The following CORO2B variants were observed in gnomAD, a reference collection of about 807,000 sequenced individuals.
CORO2B encodes coronin 2B, also known as coronin-2B.
CORO2B carries 26 observed loss-of-function variants against 58.8 expected under a neutral mutation model. That is an observed-to-expected ratio of 0.44 (90% confidence interval 0.32 to 0.61). The LOEUF (loss-of-function observed/expected upper bound fraction) is 0.61, where lower values mean the gene tolerates loss of function less well. Among genes scored for constraint, CORO2B ranks in the 20% least tolerant of loss-of-function variants. The pLI is 0.04. For missense variants in CORO2B, 460 were observed against 645.1 expected (o/e 0.71, Z 3.11); for synonymous variants, 242 against 253.8 (o/e 0.95, Z 0.44).
chr15:68,666,086 G>A (rs1280725139), intron 2 of CORO2B, among the ~76,000 whole-genome samples: 1 of 152,104 alleles, frequency 6.6e-6, no homozygotes, highest in Non-Finnish European at 1.5e-5. Context: ...CAAACATACT[G>A]CAAAGTTTAA....
intron 2 of CORO2B, among the ~76,000 whole-genome samples, chr15:68,684,745 CTAAT>C (rs1260100535): frequency 6.6e-6 from 1 of 152,206 alleles, no homozygotes; most frequent in Non-Finnish European, 1.5e-5. Flanking sequence ...CTGGGTAACA[CTAAT>C]TAAGATAATG....
chr15:68,717,477 T>C (rs1235993452), intron 8 of CORO2B, among the ~76,000 whole-genome samples: 1 of 152,070 alleles, frequency 6.6e-6, no homozygotes, highest in Non-Finnish European at 1.5e-5. Context: ...TCCAGATGTT[T>C]AGAAAGTAAT....
At chr15:68,677,783 G>C (rs1902637073) in intron 2 of CORO2B, among the ~76,000 whole-genome samples, 2 of 152,138 alleles carry the variant, frequency 1.3e-5, no homozygotes, top group Non-Finnish European at 2.9e-5. Context: ...TGTGTCTCCT[G>C]CCTCCCCTCT....
chr15:68,706,736 G>T (rs1892794725), intron 3 of CORO2B, among the ~76,000 whole-genome samples: 2 of 151,978 alleles, frequency 1.3e-5, no homozygotes, highest in East Asian at 1.9e-4. Context: ...TAGAGACAGG[G>T]TCTCACTCTG....
intron 1 of CORO2B, among the ~76,000 whole-genome samples, chr15:68,580,634 G>T (rs1457706061): frequency 2.0e-5 from 3 of 152,170 alleles, no homozygotes; most frequent in Non-Finnish European, 4.4e-5. Flanking sequence ...TGGCAGGGCT[G>T]TTGTGGCCCA....
the CORO2B span, among the ~76,000 whole-genome samples, chr15:68,541,570 G>A: frequency 6.6e-6 from 1 of 152,154 alleles, no homozygotes; most frequent in African/African-American, 2.4e-5. Context: ...CAGTGCCAGT[G>A]GTGAGTTAGT....
chr15:68,608,896 G>A (rs575615338), intron 1 of CORO2B, among the ~76,000 whole-genome samples: 13 of 152,174 alleles, frequency 8.5e-5, no homozygotes, highest in African/African-American at 3.1e-4. Flanking sequence ...CCATCCATCC[G>A]TTCAACAAGT....
At chr15:68,704,872 C>T (rs1389026839) in intron 3 of CORO2B, among the ~76,000 whole-genome samples, 6 of 152,136 alleles carry the variant, frequency 3.9e-5, no homozygotes, top group South Asian at 2.1e-4. Context: ...TCCAGAAATC[C>T]GGTTTGGCAA....
At chr15:68,561,151 A>G in the CORO2B span, among the ~76,000 whole-genome samples, 1 of 152,004 alleles carries the variant, frequency 6.6e-6, no homozygotes. Flanking sequence ...AGGGAGCTTG[A>G]AGAGGGTTTT....
chr15:68,708,862 G>A (rs975757354), intron 3 of CORO2B, among the ~76,000 whole-genome samples: 9 of 152,022 alleles, frequency 5.9e-5, no homozygotes, highest in African/African-American at 1.9e-4. Flanking sequence ...TCAATTTTTT[G>A]TAGAGGCGGA....
intron 1 of CORO2B, among the ~76,000 whole-genome samples, chr15:68,601,870 G>A (rs534306444): frequency 5.1e-4 from 77 of 152,284 alleles, no homozygotes; most frequent in Non-Finnish European, 8.7e-4. Context: ...TCTCATAGCC[G>A]TGGAGCCTGG....
rs138503920 is a variant in CORO2B at position 68,676,762 on chromosome 15, T to C, written c.217-18378T>C. Reference sequence around the variant, plus strand: ...AGAGGTGGCCCAAGATCTGTGTTTTTTGTTTCTTCTGGATTATTTTTTTTT... The same window carrying C: ...AGAGGTGGCCCAAGATCTGTGTTTTCTGTTTCTTCTGGATTATTTTTTTTT... On this transcript the variant is annotated intron_variant, in intron 2 of 11. Coordinates refer to ENST00000261861, the MANE Select transcript of CORO2B (RefSeq NM_006091.5). Among the ~76,000 whole-genome samples the C allele has an allele frequency of 1.7e-3, 253 of 152,166 alleles. 2 individuals carry two copies. Among genetic ancestry groups the C allele is most frequent in the African/African-American group, 5.8e-3 (240 of 41,532 alleles).
Position 68,579,158 on chromosome 15 carries a change from G to A in CORO2B, c.-105G>A, listed in dbSNP as rs918509657. 15 of 980,936 alleles carry A rather than the reference G, an allele frequency of 1.5e-5. No homozygotes were observed. The African/African-American group carries it at 2.6e-4, about 17-fold the overall frequency. The allele number at this position is 980,936 out of a possible 1,614,324, so 60.8% of individuals were successfully genotyped here. A position where few individuals can be genotyped will look rare whatever the true frequency, so the allele number is the denominator to read the frequency against. ...CGGCCGAGCCGCCGGCGGGGCGCGGGGAGCGAGCCGGGAGCTGCCGGACCC... is the reference window on the plus strand; with the variant it reads ...CGGCCGAGCCGCCGGCGGGGCGCGGAGAGCGAGCCGGGAGCTGCCGGACCC... On this transcript the variant is annotated 5_prime_UTR_variant, in exon 1 of 12. Coordinates refer to ENST00000261861, the MANE Select transcript of CORO2B (RefSeq NM_006091.5).
Position 68,579,270 on chromosome 15 carries a change from T to C in CORO2B, c.8T>C (p.Val3Ala). 1.6e-6 allele frequency: 2 copies of C among 1,277,322 alleles called. No homozygotes were observed. The highest frequency in any genetic ancestry group is 2.3e-5 in the South Asian group (1 of 43,854). 79.1% of individuals were successfully genotyped at this position (1,277,322 alleles called of 1,614,324 possible). A position where few individuals can be genotyped will look rare whatever the true frequency, so the allele number is the denominator to read the frequency against. MT[V>A]TKMSWRPQYR... The stretch of plus-strand genomic sequence containing the variant: ...CCGCCGCGGAGTTTCTGCATGACTG[T>C]CACAAAGGTAAGCGCCGCTCGCCCG... Residue 3 changes from valine (V) to alanine (A), a missense_variant, in exon 1 of 12, where the codon GTC becomes GCC. Physicochemically the swap from Val to Ala is moderately conservative, Grantham distance 64. This residue lies in a region of CORO2B where 352 missense variants were observed against 543.0 expected (regional missense o/e 0.65). Coordinates refer to ENST00000261861, the MANE Select transcript of CORO2B (RefSeq NM_006091.5).
intron 3 of CORO2B, among the ~76,000 whole-genome samples, chr15:68,702,821 C>CTTTTTTTTTTTTT (rs113249272): frequency 1.1e-3 from 105 of 96,252 alleles, no homozygotes; most frequent in South Asian, 2.4e-3. Flanking sequence ...TTTTCTTTTT[C>CTTTTTTTTTTTTT]TTTTTTTTTT....
chr15:68,686,762 A>G (rs1164752147), intron 2 of CORO2B, among the ~76,000 whole-genome samples: 2 of 151,998 alleles, frequency 1.3e-5, no homozygotes, highest in Non-Finnish European at 2.9e-5. Context: ...AGCTGGGCAT[A>G]GTGGCACATG....
chr15:68,545,206 C>T, the CORO2B span, among the ~76,000 whole-genome samples: 2 of 152,198 alleles, frequency 1.3e-5, no homozygotes, highest in African/African-American at 4.8e-5. Context: ...AGATTTCCCT[C>T]CTCAGAAAAC....
chr15:68,687,233 G>A (rs1011487311), intron 2 of CORO2B, among the ~76,000 whole-genome samples: 9 of 152,240 alleles, frequency 5.9e-5, no homozygotes, highest in Non-Finnish European at 1.2e-4. Flanking sequence ...CACTGGGCCA[G>A]TGAGTGCCGG....
the CORO2B span, among the ~76,000 whole-genome samples, chr15:68,556,624 C>T: frequency 6.6e-6 from 1 of 152,386 alleles, no homozygotes; most frequent in East Asian, 1.9e-4. Flanking sequence ...CAGTCACAAA[C>T]TCAGGTGTGG....
Sources: gnomAD v4.1 joint callset for allele counts (sites outside exome capture counted in the v4.1 genomes callset) on GRCh38, gnomAD v4.1.1 for gene constraint, gnomAD v4.1.1 regional missense constraint, MANE v1.5 for transcripts, NCBI Gene and HGNC (gene_info 2026-07-23, HGNC 2026-07-21) for gene names.